The following ANXA6 variants were observed in gnomAD, a reference collection of about 807,000 sequenced individuals.
ANXA6 encodes 67 kDa calelectrin.
Under a neutral mutation model 95.4 loss-of-function variants are expected in ANXA6, and 71 were observed. That is an observed-to-expected ratio of 0.74 (90% CI 0.61 to 0.91). The LOEUF is 0.91. Ranked by LOEUF, ANXA6 falls within the 40% of genes least tolerant of loss-of-function variation. The pLI is 0.00. For missense variants in ANXA6, 830 were observed against 876.4 expected (o/e 0.95, Z 0.67); for synonymous variants, 289 against 315.9 (o/e 0.91, Z 0.90).
At chr5:151,109,871 G>C in intron 21 of ANXA6, 25 bp from the exon 22 acceptor site, 1 of 1,511,654 alleles carries the variant, frequency 6.6e-7, no homozygotes, top group Non-Finnish European at 9.1e-7. Context: ...TTGGAGCAAG[G>C]ATTTGGGAGG....
At chr5:151,131,140 G>A (rs1222419058) in intron 11 of ANXA6, 91 bp downstream of exon 11, 3 of 1,373,174 alleles carry the variant, frequency 2.2e-6, no homozygotes, top group Admixed American at 1.7e-5. Flanking sequence ...ATCCCTGAAG[G>A]GCTCTCTTTG....
intron 20 of ANXA6, among the ~76,000 whole-genome samples, chr5:151,113,239 A>G (rs936193896): frequency 2.0e-5 from 3 of 152,208 alleles, no homozygotes; most frequent in Admixed American, 6.5e-5. Flanking sequence ...TGTCTCTACT[A>G]AAAATACAAA....
At chr5:151,135,931 G>A (rs1765646141) in intron 7 of ANXA6, among the ~76,000 whole-genome samples, 1 of 152,174 alleles carries the variant, frequency 6.6e-6, no homozygotes, top group Non-Finnish European at 1.5e-5. Flanking sequence ...GAGGCAATAA[G>A]GCTCGGATGT....
At position 151,109,826 on chromosome 5, in the gene ANXA6, A is replaced by G; in HGVS notation, c.1611T>C (p.Ser537=). Residue 537 remains serine (S), a synonymous_variant, in exon 22 of 26, where the codon AGT becomes AGC. Coordinates refer to ENST00000354546, the MANE Select transcript of ANXA6 (RefSeq NM_001155.5). The stretch of plus-strand genomic sequence containing the variant: ...GTGTCTCCAAGGAAGTTTTGTCTCC[A>G]CTAGGTGTGTCTGCTATTTCCTGCA... ...AEILEIADTP[S]GDKTSLETRF... 1 of 1,609,334 alleles carries G rather than the reference A, an allele frequency of 6.2e-7. No individual in the cohort carries two copies. The highest frequency in any genetic ancestry group is 8.5e-7 in the Non-Finnish European group (1 of 1,177,534).
chr5:151,148,768 G>A (rs1766032009), intron 1 of ANXA6, among the ~76,000 whole-genome samples: 2 of 152,150 alleles, frequency 1.3e-5, no homozygotes, highest in Non-Finnish European at 2.9e-5. Context: ...GGGGCACACC[G>A]CGGGGTGGTG....
intron 11 of ANXA6, among the ~76,000 whole-genome samples, chr5:151,130,094 TAC>T (rs1271293320): frequency 1.3e-5 from 2 of 152,212 alleles, no homozygotes; most frequent in African/African-American, 4.8e-5. Context: ...CTCTAAGCAA[TAC>T]ACTTAGATTT....
chr5:151,110,658 G>T lies in ANXA6; in HGVS notation c.1573-14C>A. 6.2e-7 allele frequency: 1 copy of T among 1,613,170 alleles called. No homozygotes were observed. Among genetic ancestry groups the T allele is most frequent in the South Asian group, 1.1e-5 (1 of 91,038 alleles). ...CTCAGCAGCCACCTGAGAGCAGGGA[G>T]GGGAGAGAGGAGGGAGAGAAGGGAG... On this transcript the variant is annotated splice_polypyrimidine_tract_variant and intron_variant, in intron 20 of 25. Coordinates refer to ENST00000354546, the MANE Select transcript of ANXA6 (RefSeq NM_001155.5).
chr5:151,141,253 T>C (rs1561583578), intron 2 of ANXA6, among the ~76,000 whole-genome samples: 1 of 152,118 alleles, frequency 6.6e-6, no homozygotes, highest in Non-Finnish European at 1.5e-5. Flanking sequence ...CCAGAGCCTG[T>C]CACCGAGCAC....
chr5:151,105,456 C>T (rs1764671376), intron 23 of ANXA6, among the ~76,000 whole-genome samples, 153 bp from the exon 24 acceptor site: 1 of 152,152 alleles, frequency 6.6e-6, no homozygotes, highest in Non-Finnish European at 1.5e-5. Context: ...GACACCTTTG[C>T]TCCCCTTCCC....
intron 20 of ANXA6, 76 bp downstream of exon 20, chr5:151,117,051 G>T (rs930459568): frequency 2.2e-6 from 3 of 1,381,680 alleles, no homozygotes; most frequent in African/African-American, 1.5e-5. Context: ...ACAGGGCCCG[G>T]CGTAGACACG....
chr5:151,150,491 C>T (rs1220489641), intron 1 of ANXA6, among the ~76,000 whole-genome samples: 2 of 152,212 alleles, frequency 1.3e-5, no homozygotes, highest in African/African-American at 2.4e-5. Context: ...GGGCCTCTGT[C>T]GTGTTTGCCT....
chr5:151,111,031 A>T (rs1450978672), intron 20 of ANXA6, among the ~76,000 whole-genome samples: 2 of 152,180 alleles, frequency 1.3e-5, no homozygotes, highest in Non-Finnish European at 2.9e-5. Flanking sequence ...AACCACTGAG[A>T]TGTAAATGTG....
intron 15 of ANXA6, 36 bp from the exon 16 acceptor site, chr5:151,123,047 C>T (rs1765216984): frequency 1.3e-6 from 2 of 1,568,332 alleles, no homozygotes; most frequent in Non-Finnish European, 1.8e-6. Flanking sequence ...AGAAGAAGGC[C>T]TGTGGCTCTC....
At chr5:151,155,354 C>T (rs1183421572) in intron 1 of ANXA6, 12 of 152,150 alleles carry the variant, frequency 7.9e-5, no homozygotes, top group Admixed American at 7.9e-4. Flanking sequence ...TAACACAGCA[C>T]TTTTATATCT....
At position 151,110,943 on chromosome 5, in the gene ANXA6, G is replaced by C. The variant is rs893336183; in HGVS notation, c.1573-299C>G. On this transcript the variant is annotated intron_variant, in intron 20 of 25. Transcript: ENST00000354546. ...ACAGAAATGGGGAACTCTGCCCTTC[G>C]CACCCCAAAACCCAGAGGAGATTCC... Among the ~76,000 whole-genome samples the C allele has an allele frequency of 8.5e-5, 13 of 152,124 alleles. 1 individual carries two copies. The highest frequency in any genetic ancestry group is 7.2e-4 in the Admixed American group (11 of 15,268).
At chr5:151,107,939 G>T (rs1224584619) in intron 23 of ANXA6, among the ~76,000 whole-genome samples, 2 of 152,086 alleles carry the variant, frequency 1.3e-5, no homozygotes, top group African/African-American at 4.8e-5. Context: ...GGTCATGTGT[G>T]CATAGTGTGT....
rs536533056 is a variant in ANXA6 at position 151,128,546 on chromosome 5, C to A, written c.919-307G>T. Among the ~76,000 whole-genome samples the A allele has an allele frequency of 2.4e-3, 371 of 152,352 alleles. 3 individuals are homozygous for A. The highest frequency in any genetic ancestry group is 8.4e-3 in the African/African-American group (350 of 41,584). On this transcript the variant is annotated intron_variant, in intron 12 of 25. Transcript: ENST00000354546. ...TGAGAAGAGATGCTCGCTGCCCTTT[C>A]AAGCCAGTGCCCCAGCACAGCACTG...
intron 1 of ANXA6, among the ~76,000 whole-genome samples, chr5:151,148,476 C>T (rs1766024878): frequency 6.6e-6 from 1 of 152,234 alleles, no homozygotes; most frequent in Non-Finnish European, 1.5e-5. Flanking sequence ...GTGCTTCCAA[C>T]CACCTGCTGC....
intron 11 of ANXA6, among the ~76,000 whole-genome samples, chr5:151,130,338 G>C (rs903634018): frequency 2.0e-5 from 3 of 151,750 alleles, no homozygotes; most frequent in Non-Finnish European, 4.4e-5. Context: ...CAAACCCAGG[G>C]GCCCTGTGCT....
Sources: gnomAD v4.1 joint callset for allele counts (sites outside exome capture counted in the v4.1 genomes callset) on GRCh38, gnomAD v4.1.1 for gene constraint, MANE v1.5 for transcripts, NCBI Gene and HGNC (gene_info 2026-07-23, HGNC 2026-07-21) for gene names.